ATAD3A: variants seen among roughly 807,000 people sequenced by gnomAD.
ATAD3A encodes ATPase family AAA domain containing 3A, also known as ATPase family AAA domain-containing protein 3A.
In ATAD3A, 46 loss-of-function variants were observed where a neutral mutation model predicts 73.8. The ratio of observed to expected loss-of-function variants is 0.62; its 90% CI spans 0.49 to 0.80. The LOEUF (loss-of-function observed/expected upper bound fraction) is 0.80, where lower values mean the gene tolerates loss of function less well. ATAD3A is among the 30% of genes least tolerant of loss of function. The pLI, the probability that ATAD3A is intolerant of heterozygous loss-of-function variation, is 0.00. For missense variants in ATAD3A, 705 were observed against 838.0 expected, an observed-to-expected ratio of 0.84 and a Z score of 1.96; for synonymous variants, 319 against 350.0, an observed-to-expected ratio of 0.91 and a Z score of 0.99.
At chr1:1,527,990 AT>A in intron 14 of ATAD3A, 128 bp downstream of exon 14, 1 of 1,182,692 alleles carries the variant, frequency 8.5e-7, no homozygotes, top group Non-Finnish European at 1.1e-6. Context: ...ACAAAGTCTC[AT>A]TCTTGTCGCC....
chr1:1,533,306 C>T (rs1256042828), intron 15 of ATAD3A, among the ~76,000 whole-genome samples: 1 of 152,250 alleles, frequency 6.6e-6, no homozygotes, highest in East Asian at 1.9e-4. Flanking sequence ...GGACTCCACG[C>T]CCTTCGCTGG....
chr1:1,527,933 C>A, intron 14 of ATAD3A, 71 bp downstream of exon 14: 1 of 1,444,034 alleles, frequency 6.9e-7, no homozygotes, highest in Non-Finnish European at 9.4e-7. Context: ...CACAGTCCAC[C>A]ATCACTTACA....
At chr1:1,526,680 C>T (rs1207802308) in intron 13 of ATAD3A, 149 bp downstream of exon 13, 25 of 1,505,478 alleles carry the variant, frequency 1.7e-5, no homozygotes, top group South Asian at 5.2e-5. Flanking sequence ...CCCCTGGGAA[C>T]GGCCCAGCTC....
chr1:1,519,101 A>G, intron 5 of ATAD3A, 111 bp downstream of exon 5: 3 of 1,589,646 alleles, frequency 1.9e-6, no homozygotes, highest in Non-Finnish European at 2.6e-6. Flanking sequence ...CTACCAGTGC[A>G]GTGGGCGAGG....
Position 1,520,983 on chromosome 1 carries a change from C to T in ATAD3A, c.750+366C>T, listed in dbSNP as rs1298077185. Among the ~76,000 whole-genome samples, 4 of 152,048 alleles carry T rather than the reference C, an allele frequency of 2.6e-5. No homozygotes were observed. The highest frequency in any genetic ancestry group is 1.9e-4 in the East Asian group (1 of 5,174). The stretch of plus-strand genomic sequence containing the variant: ...TCGCAGCACTGCACTCCATCCTGGG[C>T]GACAAAGTCCTTGTCTCAAGAAAAA... On this transcript the variant is annotated intron_variant, in intron 7 of 15. Transcript: ENST00000378756. This position sits in a 1 kb window ranked among gnomAD's most constrained non-coding sequence, Gnocchi z 4.0.
At chr1:1,522,596 G>T (rs1463456632) in intron 7 of ATAD3A, 148 bp from the exon 8 acceptor site, 6 of 1,472,534 alleles carry the variant, frequency 4.1e-6, no homozygotes, top group Non-Finnish European at 5.4e-6. Context: ...GGGATTCGGG[G>T]CCGGGAATTC....
At position 1,529,196 on chromosome 1, in the gene ATAD3A, C is replaced by T. The variant is rs200848091; in HGVS notation, c.1506-27C>T. On this transcript the variant is annotated intron_variant, in intron 14 of 15. Transcript: ENST00000378756. The stretch of plus-strand genomic sequence containing the variant: ...GTGTTGTGGGAGCTGCTGCCTTGGC[C>T]GGCCCACTTGGGAACTCCTTCCCCA... The T allele has an allele frequency of 7.1e-5, 114 of 1,606,604 alleles. No individual in the cohort carries two copies. The East Asian group carries it at 2.3e-3, about 32-fold the overall frequency.
chr1:1,532,799 G>A (rs1054696572), intron 15 of ATAD3A, among the ~76,000 whole-genome samples: 2 of 152,050 alleles, frequency 1.3e-5, no homozygotes, highest in East Asian at 1.9e-4. Flanking sequence ...CCACAGTGGT[G>A]GTGCGGCTCT....
chr1:1,524,034 G>C, intron 10 of ATAD3A, 70 bp downstream of exon 10: 7 of 1,608,682 alleles, frequency 4.4e-6, no homozygotes, highest in Non-Finnish European at 5.9e-6. Context: ...GTGTCTGGGG[G>C]GCTCAGCTGC....
At chr1:1,522,617 G>T in intron 7 of ATAD3A, 127 bp from the exon 8 acceptor site, 1 of 1,509,394 alleles carries the variant, frequency 6.6e-7, no homozygotes. Context: ...GCGTTCCTGT[G>T]GGGCCAGTGC....
rs192639249 is a variant in ATAD3A at position 1,517,088 on chromosome 1, C to T, written c.283-223C>T. On this transcript the variant is annotated intron_variant, in intron 2 of 15. Transcript: ENST00000378756. Reference sequence around the variant, plus strand: ...AAAAGGGGGTGTCCGGCCTCCCTCCCGGGGGGCCTTCGCGGGCTTCTGCTG... The same window carrying T: ...AAAAGGGGGTGTCCGGCCTCCCTCCTGGGGGGCCTTCGCGGGCTTCTGCTG... 5.1e-3 allele frequency: 7,745 copies of T among 1,525,404 alleles called. 35 individuals are homozygous for T. The highest frequency in any genetic ancestry group is 5.4e-3 in the Non-Finnish European group (6,072 of 1,133,196). 94.5% of individuals were successfully genotyped at this position (1,525,404 alleles called of 1,614,324 possible). A position where few individuals can be genotyped will look rare whatever the true frequency, so the allele number is the denominator to read the frequency against.
chr1:1,512,488 G>A lies in ATAD3A; in HGVS notation c.205+15G>A, dbSNP rs1641227551. The A allele has an allele frequency of 4.2e-6, 5 of 1,188,016 alleles. No homozygotes were observed. The highest frequency in any genetic ancestry group is 5.2e-6 in the Non-Finnish European group (5 of 969,102). 73.6% of individuals were successfully genotyped at this position (1,188,016 alleles called of 1,614,324 possible). On this transcript the variant is annotated intron_variant, in intron 1 of 15. Transcript: ENST00000378756. ...GGAGCACTCGCGTGAGTGCGGCGGGGCGGGGCGGCGCGGGCGGGCGGGCGG... is the reference window on the plus strand; with the variant it reads ...GGAGCACTCGCGTGAGTGCGGCGGGACGGGGCGGCGCGGGCGGGCGGGCGG...
At chr1:1,531,089 C>T (rs1418066651) in intron 15 of ATAD3A, among the ~76,000 whole-genome samples, 3 of 152,008 alleles carry the variant, frequency 2.0e-5, no homozygotes, top group Non-Finnish European at 2.9e-5. Context: ...ATCCAGGAGG[C>T]GGAGGATGCG....
intron 13 of ATAD3A, among the ~76,000 whole-genome samples, 169 bp downstream of exon 13, chr1:1,526,700 C>T (rs891303045): frequency 2.0e-5 from 3 of 152,210 alleles, no homozygotes; most frequent in Non-Finnish European, 2.9e-5. Flanking sequence ...CGGGACAGCA[C>T]GGGGTGTCAC....
intron 14 of ATAD3A, among the ~76,000 whole-genome samples, chr1:1,528,775 T>A (rs1395274329): frequency 3.3e-5 from 5 of 152,254 alleles, no homozygotes; most frequent in Non-Finnish European, 5.9e-5. Context: ...TGGTTGCCGC[T>A]GCCGCCTGCT....
intron 7 of ATAD3A, among the ~76,000 whole-genome samples, chr1:1,521,166 G>A (rs1310728128): frequency 6.6e-6 from 1 of 151,328 alleles, no homozygotes; most frequent in Non-Finnish European, 1.5e-5. Context: ...GGGCGCAGTG[G>A]CGGGCGCCTA....
At chr1:1,518,445 G>A (rs866003309) in intron 4 of ATAD3A, among the ~76,000 whole-genome samples, 79 of 102,884 alleles carry the variant, frequency 7.7e-4, no homozygotes, top group Middle Eastern at 8.8e-3. Context: ...ACACATGGGC[G>A]CGCGTACACC....
At chr1:1,525,387 C>G in intron 12 of ATAD3A, 96 bp downstream of exon 12, 1 of 1,339,990 alleles carries the variant, frequency 7.5e-7, no homozygotes, top group South Asian at 1.3e-5. Flanking sequence ...GTTTCTTTTT[C>G]TCTGTAAGCT....
intron 13 of ATAD3A, among the ~76,000 whole-genome samples, 164 bp downstream of exon 13, chr1:1,526,695 C>T (rs1261616814): frequency 1.3e-5 from 2 of 152,224 alleles, no homozygotes; most frequent in Non-Finnish European, 2.9e-5. Context: ...CAGCTCGGGA[C>T]AGCACGGGGT....
Sources: gnomAD v4.1 joint callset for allele counts (sites outside exome capture counted in the v4.1 genomes callset) on GRCh38, gnomAD v4.1.1 for gene constraint, Gnocchi (gnomAD v3.1) non-coding constraint, MANE v1.5 for transcripts, NCBI Gene and HGNC (gene_info 2026-07-23, HGNC 2026-07-21) for gene names.